The following HEXA variants were observed in gnomAD, a reference collection of about 807,000 sequenced individuals.
HEXA encodes the protein beta-hexosaminidase subunit alpha.
In HEXA, 54 loss-of-function variants were observed where a neutral mutation model predicts 73.3. That is an observed-to-expected ratio of 0.74 (90% CI 0.59 to 0.92). The LOEUF is 0.92. HEXA is among the 40% of genes least tolerant of loss of function. The pLI, the probability that HEXA is intolerant of heterozygous loss-of-function variation, is 0.00. For missense variants in HEXA, 649 were observed against 653.0 expected (o/e 0.99, Z 0.07); for synonymous variants, 230 against 246.9 (o/e 0.93, Z 0.64).
intron 1 of HEXA, among the ~76,000 whole-genome samples, chr15:72,367,392 C>T (rs2088931568): frequency 6.6e-6 from 1 of 152,188 alleles, no homozygotes; most frequent in Non-Finnish European, 1.5e-5. Context: ...ACCTAACTCC[C>T]ACTTCCAAGC....
chr15:72,350,222 A>G (rs2088676965), intron 7 of HEXA: 1 of 426,512 alleles, frequency 2.3e-6, no homozygotes, highest in African/African-American at 2.0e-5. Flanking sequence ...TCTTTCTTTC[A>G]GATTCTACCC....
chr15:72,347,922 G>C, intron 9 of HEXA, 126 bp downstream of exon 9: 2 of 958,198 alleles, frequency 2.1e-6, no homozygotes, highest in Non-Finnish European at 3.3e-6. Context: ...TGAAAGGATG[G>C]GACAAAGGAC....
At position 72,345,322 on chromosome 15, in the gene HEXA, G is replaced by T. The variant is rs1595796142; in HGVS notation, c.1526+124C>A. ...ATCGCAGTTGGTTGAATCCGTGGAT[G>T]AGGGCTGACTATAAGCCTCTGTAAG... On this transcript the variant is annotated intron_variant, in intron 13 of 13. Coordinates refer to ENST00000268097, the MANE Select transcript of HEXA (RefSeq NM_000520.6). 2.0e-6 allele frequency: 3 copies of T among 1,524,900 alleles called. No individual in the cohort carries two copies. The East Asian group carries it at 7.3e-5, about 37-fold the overall frequency. 94.5% of individuals were successfully genotyped at this position (1,524,900 alleles called of 1,614,324 possible). A position where few individuals can be genotyped will look rare whatever the true frequency, so the allele number is the denominator to read the frequency against.
chr15:72,351,202 G>A lies in HEXA; in HGVS notation c.603C>T (p.Phe201=), dbSNP rs767318868. ...AAGGATCATCTACCAGATGCCAGTGGAACACGTTCAATTTATTGTACGCCA... is the reference window on the plus strand; with the variant it reads ...AAGGATCATCTACCAGATGCCAGTGAAACACGTTCAATTTATTGTACGCCA... ...DVMAYNKLNV[F]HWHLVDDPSF... is the part of the protein sequence containing the mutation. Residue 201 remains phenylalanine (F), a synonymous_variant, in exon 6 of 14, where the codon TTC becomes TTT. Transcript: ENST00000268097. 1 of 1,612,398 alleles carries A rather than the reference G, an allele frequency of 6.2e-7. No individual in the cohort carries two copies. The highest frequency in any genetic ancestry group is 8.5e-7 in the Non-Finnish European group (1 of 1,178,460).
chr15:72,364,572 T>C (rs1401399555), intron 1 of HEXA, among the ~76,000 whole-genome samples: 5 of 152,142 alleles, frequency 3.3e-5, no homozygotes, highest in South Asian at 2.1e-4. Context: ...AAGATATCTG[T>C]AGGATAAATT....
intron 1 of HEXA, chr15:72,370,516 C>A (rs1251453129): frequency 7.6e-6 from 3 of 396,068 alleles, no homozygotes; most frequent in African/African-American, 2.1e-5. Flanking sequence ...CACAGTAAGA[C>A]CCCCATCTCT....
At chr15:72,348,211 C>T in intron 8 of HEXA, 77 bp from the exon 9 acceptor site, 2 of 942,354 alleles carry the variant, frequency 2.1e-6, no homozygotes, top group Non-Finnish European at 3.4e-6. Context: ...TCACCTGGCC[C>T]CCTATAACTT....
rs2088978044 is a variant in HEXA, at chr15:72,370,675, T to C, written c.253+5045A>G. The C allele has an allele frequency of 1.2e-5, 4 of 323,926 alleles. No homozygotes were observed. The East Asian group carries it at 1.7e-4, about 13-fold the overall frequency. 20.1% of individuals were successfully genotyped at this position (323,926 alleles called of 1,614,324 possible). On this transcript the variant is annotated intron_variant, in intron 1 of 13. Coordinates refer to ENST00000268097, the MANE Select transcript of HEXA (RefSeq NM_000520.6). ...TCACACCACTGCACTCCAGTCTGAATGACAGAGAAAGACCTGTTTCTTAAA... is the reference window on the plus strand; with the variant it reads ...TCACACCACTGCACTCCAGTCTGAACGACAGAGAAAGACCTGTTTCTTAAA...
intron 5 of HEXA, chr15:72,351,538 T>C: frequency 2.1e-6 from 1 of 466,120 alleles, no homozygotes; most frequent in Non-Finnish European, 3.9e-6. Flanking sequence ...GCTACTGTGG[T>C]AGCCTGGAAT....
rs140868947 is a variant in HEXA, at chr15:72,375,869, T to G, written c.104A>C (p.Gln35Pro). ...PWPQNFQTSDQRYVLYPNNFQ... is the reference protein window; with the variant it reads ...PWPQNFQTSDPRYVLYPNNFQ... ...GTTGTTCGGGTAAAGGACGTAGCGCTGGTCGGAGGTTTGGAAGTTCTGAGG... is the reference window on the plus strand; with the variant it reads ...GTTGTTCGGGTAAAGGACGTAGCGCGGGTCGGAGGTTTGGAAGTTCTGAGG... The change falls in exon 1 of 14, where the codon CAG (glutamine) becomes CCG (proline). Residue 35 changes from glutamine (Q) to proline (P), a missense_variant. Transcript: ENST00000268097. 8 of 1,614,130 alleles carry G rather than the reference T, an allele frequency of 5.0e-6. No homozygotes were observed. In the African/African-American group the frequency reaches 9.3e-5, roughly 19 times the overall value.
At chr15:72,356,225 T>G (rs919600315) in intron 2 of HEXA, among the ~76,000 whole-genome samples, 1 of 152,100 alleles carries the variant, frequency 6.6e-6, no homozygotes, top group Non-Finnish European at 1.5e-5. Context: ...TAGGGTCTAT[T>G]AGAGAAAAGT....
At chr15:72,371,586 TA>T (rs2088992993) in intron 1 of HEXA, among the ~76,000 whole-genome samples, 1 of 55,580 alleles carries the variant, frequency 1.8e-5, no homozygotes, top group South Asian at 8.0e-4. Context: ...ACCCTGTCTC[TA>T]AAAGAAAAAA....
In HEXA at chr15:72,353,753, G is replaced by A. The variant is rs1329277483; in HGVS notation, c.413-16C>T. The A allele has an allele frequency of 4.4e-6, 7 of 1,597,790 alleles. No individual in the cohort carries two copies. Among genetic ancestry groups the A allele is most frequent in the Middle Eastern group, 1.7e-4 (1 of 6,038 alleles). On this transcript the variant is annotated splice_polypyrimidine_tract_variant and intron_variant, in intron 3 of 13. Coordinates refer to ENST00000268097, the MANE Select transcript of HEXA (RefSeq NM_000520.6). The stretch of plus-strand genomic sequence containing the variant: ...GTCTCCAGACCTAGGAAGATGTAGA[G>A]AGGCAGAGTAAAGACTCAGGGAGTG...
chr15:72,355,695 T>C lies in HEXA; in HGVS notation c.347-71A>G, dbSNP rs902772275. The C allele has an allele frequency of 1.8e-5, 19 of 1,035,390 alleles. No individual in the cohort carries two copies. In the African/African-American group the frequency reaches 3.0e-4, roughly 16 times the overall value. 64.1% of individuals were successfully genotyped at this position (1,035,390 alleles called of 1,614,324 possible). A position where few individuals can be genotyped will look rare whatever the true frequency, so the allele number is the denominator to read the frequency against. Reference sequence around the variant, plus strand: ...TTCTCAGATTATAGACCAGATATTCTATATAAATCACTGGACTAAAAAAAA... The same window carrying C: ...TTCTCAGATTATAGACCAGATATTCCATATAAATCACTGGACTAAAAAAAA... On this transcript the variant is annotated intron_variant, in intron 2 of 13. Coordinates refer to ENST00000268097, the MANE Select transcript of HEXA (RefSeq NM_000520.6).
At chr15:72,356,781 G>T in intron 1 of HEXA, 164 bp from the exon 2 acceptor site, 1 of 1,032,588 alleles carries the variant, frequency 9.7e-7, no homozygotes, top group Non-Finnish European at 1.5e-6. Context: ...CTGTTCAGCT[G>T]TCTCACTCTC....
chr15:72,350,239 T>C, intron 7 of HEXA: 1 of 451,134 alleles, frequency 2.2e-6, no homozygotes, highest in Non-Finnish European at 4.1e-6. Context: ...ACCCTGGTGG[T>C]CAGATTCCTC....
At chr15:72,346,349 G>T (rs746814878) in intron 11 of HEXA, 24 bp from the exon 12 acceptor site, 3 of 1,592,952 alleles carry the variant, frequency 1.9e-6, no homozygotes, top group African/African-American at 2.7e-5. Flanking sequence ...AGCAACAACA[G>T]TCTGGTGATG....
rs2088556794 is a variant in HEXA, at chr15:72,341,724, C to G, written c.*2353G>C. The G allele has an allele frequency of 6.6e-6, 1 of 152,142 alleles. No homozygotes were observed. The highest frequency in any genetic ancestry group is 1.5e-5 in the Non-Finnish European group (1 of 68,018). The allele number at this position is 152,142 out of a possible 1,614,324, so 9.4% of individuals were successfully genotyped here. A position where few individuals can be genotyped will look rare whatever the true frequency, so the allele number is the denominator to read the frequency against. On this transcript the variant is annotated 3_prime_UTR_variant, in exon 14 of 14. Coordinates refer to ENST00000268097, the MANE Select transcript of HEXA (RefSeq NM_000520.6). ...TTCATTGGAACAGACTGGGTGGTAA[C>G]TGCAGGCCACTGCAGTTGACCTGTT...
chr15:72,351,960 T>C (rs2088704251), intron 5 of HEXA, among the ~76,000 whole-genome samples: 1 of 143,456 alleles, frequency 7.0e-6, no homozygotes, highest in African/African-American at 2.7e-5. Flanking sequence ...TTCACTTATT[T>C]ATTTATTTAT....
Sources: gnomAD v4.1 joint callset for allele counts (sites outside exome capture counted in the v4.1 genomes callset) on GRCh38, gnomAD v4.1.1 for gene constraint, MANE v1.5 for transcripts, NCBI Gene and HGNC (gene_info 2026-07-23, HGNC 2026-07-21) for gene names.